VPS45: variants seen among roughly 807,000 people sequenced by gnomAD.
VPS45 encodes vacuolar protein sorting 45 homolog.
A neutral mutation model predicts 75.9 loss-of-function variants in VPS45; 35 were observed. That is an observed-to-expected ratio of 0.46 (90% CI 0.35 to 0.61). The LOEUF (loss-of-function observed/expected upper bound fraction) is 0.61. VPS45 is among the 20% of genes least tolerant of loss of function. The pLI is 0.00. For missense variants in VPS45, 559 were observed against 685.9 expected, an observed-to-expected ratio of 0.81 and a Z score of 2.07; for synonymous variants, 220 against 238.2, an observed-to-expected ratio of 0.92 and a Z score of 0.70.
At position 150,069,459 on chromosome 1, in the gene VPS45, C is replaced by CTTTTTTTTT. The variant is rs10707595; in HGVS notation, c.228+702_228+710dup. Among the ~76,000 whole-genome samples, 3 of 128,118 alleles carry CTTTTTTTTT rather than the reference C, an allele frequency of 2.3e-5. 1 individual carries two copies. The highest frequency in any genetic ancestry group is 3.0e-5 in the African/African-American group (1 of 33,070). 84.1% of individuals were successfully genotyped at this position (128,118 alleles called of 152,430 possible). A position where few individuals can be genotyped will look rare whatever the true frequency, so the allele number is the denominator to read the frequency against. ...TGCTATTTTAATCTTATTTGTTACA[C>CTTTTTTTTT]TTTTTTTTTTTTTTTGAGATGGAGT... On this transcript the variant is annotated intron_variant, in intron 2 of 14. Transcript: ENST00000644510.
chr1:150,129,512 C>T (rs1448636686), intron 14 of VPS45, among the ~76,000 whole-genome samples: 1 of 151,868 alleles, frequency 6.6e-6, no homozygotes, highest in African/African-American at 2.4e-5. Flanking sequence ...TGTTGTCAGC[C>T]TTTTAGATCT....
intron 14 of VPS45, among the ~76,000 whole-genome samples, chr1:150,138,365 C>G (rs963547369): frequency 6.6e-6 from 1 of 152,150 alleles, no homozygotes; most frequent in Non-Finnish European, 1.5e-5. Context: ...GTCGTCCTAC[C>G]TCACTGGCCA....
chr1:150,113,354 A>AGT (rs1454675911), intron 14 of VPS45, among the ~76,000 whole-genome samples: 1 of 152,202 alleles, frequency 6.6e-6, no homozygotes, highest in African/African-American at 2.4e-5. Context: ...ACTTACACAC[A>AGT]GTTATTTCAT....
chr1:150,112,652 C>A (rs1657707464), intron 14 of VPS45, among the ~76,000 whole-genome samples: 2 of 152,150 alleles, frequency 1.3e-5, no homozygotes, highest in South Asian at 4.1e-4. Context: ...ACACGATCTA[C>A]CTGGAGTTAG....
Position 150,067,909 on chromosome 1 carries a change from A to G in VPS45, c.52A>G (p.Ser18Gly), listed in dbSNP as rs782541188. 6.2e-7 allele frequency: 1 copy of G among 1,614,234 alleles called. No homozygotes were observed. Among genetic ancestry groups the G allele is most frequent in the Non-Finnish European group, 8.5e-7 (1 of 1,180,032 alleles). Residue 18 changes from serine to glycine, a missense_variant, in exon 1 of 15, where the codon AGC becomes GGC. Physicochemically the swap from Ser to Gly is moderately conservative, Grantham distance 56. Transcript: ENST00000644510. Reference protein sequence around the residue: ...KQYISKMIEDSGPGMKVLLMD... With the variant: ...KQYISKMIEDGGPGMKVLLMD... The stretch of plus-strand genomic sequence containing the variant: ...GTACATTTCCAAAATGATAGAGGAC[A>G]GCGGGCCTGGTATGAAAGTACTTCT...
intron 6 of VPS45, 99 bp downstream of exon 6, chr1:150,077,330 A>AT: frequency 2.1e-6 from 3 of 1,418,132 alleles, no homozygotes; most frequent in Non-Finnish European, 2.9e-6. Context: ...AACCAAGGAG[A>AT]TGATTGTATG....
intron 13 of VPS45, among the ~76,000 whole-genome samples, chr1:150,105,231 A>C (rs1017105612): frequency 6.6e-6 from 1 of 152,114 alleles, no homozygotes; most frequent in East Asian, 1.9e-4. Context: ...AAAGATGTCC[A>C]CTCTCACTGG....
At chr1:150,109,632 G>A (rs1158938501) in intron 13 of VPS45, 1 of 152,126 alleles carries the variant, frequency 6.6e-6, no homozygotes, top group Non-Finnish European at 1.5e-5. Flanking sequence ...TCCAATGAGT[G>A]ATTTAACAAA....
chr1:150,101,634 A>C (rs1571864962), intron 13 of VPS45, among the ~76,000 whole-genome samples: 1 of 151,390 alleles, frequency 6.6e-6, no homozygotes, highest in South Asian at 2.1e-4. Context: ...CTCGGGAGGC[A>C]GAGGCAGGAG....
At chr1:150,103,803 C>T (rs897377219) in intron 13 of VPS45, among the ~76,000 whole-genome samples, 2 of 152,158 alleles carry the variant, frequency 1.3e-5, no homozygotes, top group Non-Finnish European at 2.9e-5. Flanking sequence ...TCTGCTCAAT[C>T]GCTTTTTAAA....
At chr1:150,072,117 C>T (rs2101495189) in intron 2 of VPS45, 49 bp from the exon 3 acceptor site, 6 of 1,520,644 alleles carry the variant, frequency 3.9e-6, no homozygotes, top group Non-Finnish European at 5.4e-6. Flanking sequence ...TTACTTTTTT[C>T]CTTAAGCAAC....
At chr1:150,075,174 A>G (rs60124736) in intron 3 of VPS45, among the ~76,000 whole-genome samples, 2,863 of 139,806 alleles carry the variant, frequency 0.02, 157 homozygotes, top group African/African-American at 0.073. Flanking sequence ...TTTTAAAATC[A>G]GGATCAAAGT....
chr1:150,068,128 C>T, intron 1 of VPS45, 178 bp downstream of exon 1: 1 of 607,266 alleles, frequency 1.6e-6, no homozygotes, highest in Non-Finnish European at 2.9e-6. Flanking sequence ...CTACATGGCT[C>T]CAGCCACTGC....
At chr1:150,083,928 A>G (rs1187518611) in intron 10 of VPS45, among the ~76,000 whole-genome samples, 1 of 152,110 alleles carries the variant, frequency 6.6e-6, no homozygotes, top group Non-Finnish European at 1.5e-5. Context: ...GTCTAGTTGA[A>G]GAGACAAAAC....
chr1:150,113,560 G>A (rs587634131), intron 14 of VPS45, among the ~76,000 whole-genome samples: 12 of 152,078 alleles, frequency 7.9e-5, no homozygotes, highest in East Asian at 3.8e-4. Context: ...TTCTGTCACC[G>A]TAGATTAGTT....
chr1:150,136,277 G>A (rs1659092059), intron 14 of VPS45, among the ~76,000 whole-genome samples: 1 of 148,582 alleles, frequency 6.7e-6, no homozygotes, highest in Admixed American at 6.7e-5. Context: ...TTTGAGGCCG[G>A]GTGCGGTGGT....
chr1:150,091,391 C>T (rs868923286), intron 10 of VPS45, among the ~76,000 whole-genome samples: 1 of 152,190 alleles, frequency 6.6e-6, no homozygotes, highest in African/African-American at 2.4e-5. Flanking sequence ...CCTTTCCTAT[C>T]GGTACCTGCC....
At chr1:150,096,802 C>CT (rs1656678020) in intron 13 of VPS45, among the ~76,000 whole-genome samples, 1 of 152,158 alleles carries the variant, frequency 6.6e-6, no homozygotes, top group South Asian at 2.1e-4. Context: ...AGAAGGAATA[C>CT]TGCAAAGGAC....
At chr1:150,069,487 C>A (rs1458857460) in intron 2 of VPS45, among the ~76,000 whole-genome samples, 61 of 118,530 alleles carry the variant, frequency 5.1e-4, no homozygotes, top group African/African-American at 2.0e-3. Flanking sequence ...GATGGAGTCT[C>A]GCTCTGTCGC....
Sources: gnomAD v4.1 joint callset for allele counts (sites outside exome capture counted in the v4.1 genomes callset) on GRCh38, gnomAD v4.1.1 for gene constraint, MANE v1.5 for transcripts, NCBI Gene and HGNC (gene_info 2026-07-23, HGNC 2026-07-21) for gene names.